The following STPG2 variants were observed in gnomAD, a reference collection of about 807,000 sequenced individuals.
STPG2 encodes sperm-tail PG-rich repeat-containing protein 2.
In STPG2, 56 loss-of-function variants were observed where a neutral mutation model predicts 54.2. The observed-to-expected ratio is 1.03, with a 90% CI of 0.83 to 1.29. STPG2 has a LOEUF of 1.29. STPG2 is among the 50% of genes most tolerant of loss of function. The probability of loss-of-function intolerance (pLI) is 0.00; values close to 1 mark genes in which losing one functional copy is unlikely to be tolerated. For missense variants in STPG2, 596 were observed against 544.9 expected, an observed-to-expected ratio of 1.09 and a Z score of -0.93; for synonymous variants, 200 against 181.8, an observed-to-expected ratio of 1.10 and a Z score of -0.81.
chr4:97,974,672 A>G (rs1734444611), intron 6 of STPG2, among the ~76,000 whole-genome samples: 1 of 151,836 alleles, frequency 6.6e-6, no homozygotes, highest in Admixed American at 6.6e-5. Flanking sequence ...TTCCCTGCAC[A>G]AGCTCCCTCC....
intron 10 of STPG2, among the ~76,000 whole-genome samples, chr4:97,628,029 A>T (rs1734179679): frequency 6.6e-6 from 1 of 152,162 alleles, no homozygotes; most frequent in Non-Finnish European, 1.5e-5. Flanking sequence ...CTTTACTCAG[A>T]CCACAGGTTC....
chr4:97,806,841 GAAACCTTGTTTATCAC>G (rs1275508058), intron 9 of STPG2, among the ~76,000 whole-genome samples: 1 of 152,000 alleles, frequency 6.6e-6, no homozygotes, highest in Non-Finnish European at 1.5e-5. Flanking sequence ...TTAATCATAA[GAAACCTTGTTTATCAC>G]AAAGATTGCT....
chr4:97,971,777 C>T (rs1012423248), intron 7 of STPG2, among the ~76,000 whole-genome samples: 11 of 151,856 alleles, frequency 7.2e-5, no homozygotes, highest in African/African-American at 2.7e-4. Context: ...TGCACATGTA[C>T]CCCAGAACTT....
intron 9 of STPG2, among the ~76,000 whole-genome samples, chr4:97,768,584 C>A (rs763239814): frequency 6.6e-6 from 1 of 152,134 alleles, no homozygotes; most frequent in African/African-American, 2.4e-5. Context: ...TCAAAACTGG[C>A]AGTAATAGGA....
chr4:97,866,938 G>A (rs1320689846), intron 8 of STPG2, among the ~76,000 whole-genome samples: 1 of 151,914 alleles, frequency 6.6e-6, no homozygotes, highest in Non-Finnish European at 1.5e-5. Context: ...TTGGCTTCCT[G>A]ATCAAGCAGC....
downstream of STPG2, among the ~76,000 whole-genome samples, chr4:97,554,769 T>C (rs1732041562): frequency 1.3e-5 from 2 of 152,192 alleles, no homozygotes; most frequent in Non-Finnish European, 2.9e-5. Flanking sequence ...AATGATTTTG[T>C]CACTTTTGCT....
At chr4:97,441,534 T>C (rs908402062) in intron 4 of STPG2, 1 of 152,030 alleles carries the variant, frequency 6.6e-6, no homozygotes, top group African/African-American at 2.4e-5. Flanking sequence ...TTGGACTATA[T>C]CTGTGGGAAA....
At chr4:98,017,404 C>G (rs1370268918) in intron 5 of STPG2, among the ~76,000 whole-genome samples, 5 of 152,186 alleles carry the variant, frequency 3.3e-5, no homozygotes, top group Non-Finnish European at 7.3e-5. Flanking sequence ...TGGGTACATC[C>G]TGGCACTGGG....
At chr4:98,113,678 TAATAGCA>T (rs1739424285) in intron 3 of STPG2, among the ~76,000 whole-genome samples, 1 of 152,004 alleles carries the variant, frequency 6.6e-6, no homozygotes, top group African/African-American at 2.4e-5. Flanking sequence ...TTATTATTCT[TAATAGCA>T]TTATTATTAT....
intron 10 of STPG2, among the ~76,000 whole-genome samples, chr4:97,641,470 ATATC>A (rs1247587273): frequency 6.6e-6 from 1 of 151,568 alleles, no homozygotes; most frequent in African/African-American, 2.4e-5. Flanking sequence ...ATGAACATTC[ATATC>A]TATCAGTTCT....
intron 9 of STPG2, among the ~76,000 whole-genome samples, chr4:97,763,522 A>C (rs1725950257): frequency 6.6e-6 from 1 of 152,188 alleles, no homozygotes; most frequent in African/African-American, 2.4e-5. Flanking sequence ...CATGTAACTA[A>C]GGCAAATAGA....
chr4:97,456,515 G>A (rs543930378), intron 4 of STPG2, among the ~76,000 whole-genome samples: 1 of 152,060 alleles, frequency 6.6e-6, no homozygotes, highest in Non-Finnish European at 1.5e-5. Context: ...CATGAGATTT[G>A]GGTAGGAACA....
intron 7 of STPG2, among the ~76,000 whole-genome samples, chr4:97,951,569 G>A (rs1196387241): frequency 2.6e-5 from 4 of 151,646 alleles, no homozygotes; most frequent in Admixed American, 2.6e-4. Flanking sequence ...TCAGTAATTG[G>A]TGCATTCAGG....
chr4:98,114,762 T>TG (rs1739464839), intron 3 of STPG2, among the ~76,000 whole-genome samples: 29 of 80,348 alleles, frequency 3.6e-4, no homozygotes, highest in African/African-American at 1.4e-3. Context: ...CATTTTTTTT[T>TG]TTTTGTGTGT....
chr4:97,576,408 C>T lies in STPG2; in HGVS notation c.1321-17291G>A, dbSNP rs544604603. ...AACCAAAACAGCATGCAACTGGCAC[C>T]AAAACAGGCACACAGACTTATGGAA... is the stretch of plus-strand genomic sequence containing the variant. On this transcript the variant is annotated intron_variant, in intron 10 of 10. Transcript: ENST00000295268. 2.0e-5 allele frequency among the ~76,000 whole-genome samples: 3 copies of T among 151,880 alleles called. No individual in the cohort carries two copies. In the East Asian group the frequency reaches 5.8e-4, roughly 29 times the overall value.
At chr4:97,477,936 G>T (rs886982247) in intron 4 of STPG2, among the ~76,000 whole-genome samples, 1 of 152,080 alleles carries the variant, frequency 6.6e-6, no homozygotes, top group Non-Finnish European at 1.5e-5. Flanking sequence ...ATAAAAACTA[G>T]CATGTTAACT....
Position 98,102,766 on chromosome 4 carries a change from G to A in STPG2, c.612+3187C>T, listed in dbSNP as rs1033612899. 1.6e-4 allele frequency among the ~76,000 whole-genome samples: 24 copies of A among 150,510 alleles called. No individual in the cohort carries two copies. In the South Asian group the frequency reaches 4.4e-3, roughly 28 times the overall value. On this transcript the variant is annotated intron_variant, in intron 5 of 10. Transcript: ENST00000295268. Reference sequence around the variant, plus strand: ...TTCCCTTTACCATCAAAGTTCTGGTGGTAGAAGGTGGTAGAGGCATTGAAT... The same window carrying A: ...TTCCCTTTACCATCAAAGTTCTGGTAGTAGAAGGTGGTAGAGGCATTGAAT...
intron 5 of STPG2, among the ~76,000 whole-genome samples, chr4:98,076,990 C>T (rs781682117): frequency 6.6e-6 from 1 of 152,016 alleles, no homozygotes; most frequent in African/African-American, 2.4e-5. Context: ...ACCCTACAAT[C>T]ATGGTTCTCA....
intron 5 of STPG2, among the ~76,000 whole-genome samples, chr4:97,989,470 G>T (rs1399925637): frequency 6.6e-6 from 1 of 151,946 alleles, no homozygotes; most frequent in Non-Finnish European, 1.5e-5. Flanking sequence ...CTATGATAAA[G>T]TTTAACATAT....
Sources: gnomAD v4.1 joint callset for allele counts (sites outside exome capture counted in the v4.1 genomes callset) on GRCh38, gnomAD v4.1.1 for gene constraint, MANE v1.5 for transcripts, NCBI Gene and HGNC (gene_info 2026-07-23, HGNC 2026-07-21) for gene names.